HECW2: variants seen among roughly 807,000 people sequenced by gnomAD.
HECW2 encodes the protein E3 ubiquitin-protein ligase HECW2.
Under a neutral mutation model 175.2 loss-of-function variants are expected in HECW2, and 61 were observed. The ratio of observed to expected loss-of-function variants is 0.35; its 90% CI spans 0.28 to 0.43. The LOEUF (loss-of-function observed/expected upper bound fraction) is 0.43, where lower values mean the gene tolerates loss of function less well. Among genes scored for constraint, HECW2 ranks in the 20% least tolerant of loss-of-function variants. The pLI is 1.00. For synonymous variants in HECW2, 671 were observed against 731.0 expected, an observed-to-expected ratio of 0.92 and a Z score of 1.32; for missense variants, 1,524 against 2,000.5, an observed-to-expected ratio of 0.76 and a Z score of 4.54.
intron 2 of HECW2, among the ~76,000 whole-genome samples, chr2:196,413,054 G>A (rs71422616): frequency 0.037 from 5,679 of 152,214 alleles, 141 homozygotes; most frequent in South Asian, 0.097. Context: ...TATGAAATAT[G>A]AAATAACATG....
intron 1 of HECW2, among the ~76,000 whole-genome samples, chr2:196,569,371 C>CTAAAATAAAATAAAATAAAA (rs1553538700): frequency 2.1e-4 from 31 of 144,208 alleles, no homozygotes; most frequent in Non-Finnish European, 3.5e-4. Flanking sequence ...CTAAACTAAA[C>CTAAAATAAAATAAAATAAAA]TAAAATAAAA....
intron 22 of HECW2, among the ~76,000 whole-genome samples, chr2:196,226,215 A>G (rs978781318): frequency 1.3e-5 from 2 of 149,526 alleles, no homozygotes; most frequent in Non-Finnish European, 3.0e-5. Context: ...AAAGTGTGGC[A>G]CCTCCCTCCA....
chr2:196,416,963 A>G (rs1277874847), intron 2 of HECW2, among the ~76,000 whole-genome samples: 2 of 152,218 alleles, frequency 1.3e-5, no homozygotes, highest in Non-Finnish European at 2.9e-5. Context: ...AATCACCTTC[A>G]GGAAGTGGCT....
chr2:196,264,429 C>A (rs1344659589), intron 17 of HECW2, among the ~76,000 whole-genome samples: 1 of 152,040 alleles, frequency 6.6e-6, no homozygotes, highest in African/African-American at 2.4e-5. Context: ...ATTATTATTC[C>A]TCATGTAAGA....
intron 2 of HECW2, among the ~76,000 whole-genome samples, chr2:196,425,141 C>T (rs1370565827): frequency 1.3e-5 from 2 of 151,356 alleles, no homozygotes; most frequent in African/African-American, 4.9e-5. Context: ...AAAATGACAG[C>T]ACATCTGTCA....
chr2:196,588,896 T>A (rs1325350645), intron 1 of HECW2, among the ~76,000 whole-genome samples: 1 of 152,096 alleles, frequency 6.6e-6, no homozygotes, highest in Non-Finnish European at 1.5e-5. Flanking sequence ...TACATAGTCA[T>A]CCTACTTATA....
rs550215830 is a variant in HECW2 at position 196,522,794 on chromosome 2, T to A, written c.-36+70714A>T. Among the ~76,000 whole-genome samples the A allele has an allele frequency of 2.7e-3, 405 of 151,836 alleles. 2 individuals are homozygous for A. The highest frequency in any genetic ancestry group is 0.017 in the Middle Eastern group (5 of 294). On this transcript the variant is annotated intron_variant, in intron 1 of 28. Coordinates refer to ENST00000644978, the MANE Select transcript of HECW2 (RefSeq NM_001348768.2). The stretch of plus-strand genomic sequence containing the variant: ...GTCAAAGATCAGATAGTTGTAGATA[T>A]GCGGCGTTATTTCTGAGGGCTCTGT...
intron 5 of HECW2, among the ~76,000 whole-genome samples, chr2:196,326,448 A>ACT (rs1692155542): frequency 6.9e-6 from 1 of 145,606 alleles, no homozygotes; most frequent in South Asian, 2.2e-4. Flanking sequence ...ACTAAGAGCA[A>ACT]TTTTTTTTTT....
intron 2 of HECW2, among the ~76,000 whole-genome samples, chr2:196,357,328 G>A (rs951550375): frequency 7.5e-6 from 1 of 133,694 alleles, no homozygotes; most frequent in African/African-American, 3.6e-5. Flanking sequence ...TGGGGGGCTT[G>A]GGCGGGGGGG....
intron 20 of HECW2, among the ~76,000 whole-genome samples, chr2:196,241,465 C>A (rs557547160): frequency 3.6e-4 from 55 of 152,274 alleles, no homozygotes; most frequent in African/African-American, 1.2e-3. Context: ...TGGAGACCGT[C>A]CCTCCTCTGT....
chr2:196,336,968 G>A (rs1692570761), intron 3 of HECW2, among the ~76,000 whole-genome samples: 2 of 151,904 alleles, frequency 1.3e-5, no homozygotes, highest in Admixed American at 6.6e-5. Context: ...GACAGAATGA[G>A]GAGTGGTTTG....
rs1267206372 is a variant in HECW2, at chr2:196,198,481, A to G, written c.*2796T>C. 1.3e-5 allele frequency: 2 copies of G among 152,206 alleles called. No homozygotes were observed. Among genetic ancestry groups the G allele is most frequent in the Admixed American group, 6.5e-5 (1 of 15,276 alleles). 9.4% of individuals were successfully genotyped at this position (152,206 alleles called of 1,614,324 possible). On this transcript the variant is annotated 3_prime_UTR_variant, in exon 29 of 29. Transcript: ENST00000644978. Reference sequence around the variant, plus strand: ...TTTTTTGAACCTTGGAGTCTACTCTACTACACTGTGAGCTGAGCTTTTCAA... The same window carrying G: ...TTTTTTGAACCTTGGAGTCTACTCTGCTACACTGTGAGCTGAGCTTTTCAA...
rs1396156761 is a variant in HECW2 at position 196,194,603 on chromosome 2, C to CCCCATATAATA, written c.*6663_*6673dup. The CCCCATATAATA allele has an allele frequency of 6.6e-6, 1 of 151,916 alleles. No homozygotes were observed. The highest frequency in any genetic ancestry group is 1.5e-5 in the Non-Finnish European group (1 of 67,964). The allele number at this position is 151,916 out of a possible 1,614,324, so 9.4% of individuals were successfully genotyped here. On this transcript the variant is annotated 3_prime_UTR_variant, in exon 29 of 29. Coordinates refer to ENST00000644978, the MANE Select transcript of HECW2 (RefSeq NM_001348768.2). ...ACTAGTCCCAGTTCAGAGTCCTAGGCCCCATATAATACCACCCAGAAACCA... is the reference window on the plus strand; with the variant it reads ...ACTAGTCCCAGTTCAGAGTCCTAGGCCCCATATAATACCCATATAATACCACCCAGAAACCA...
At chr2:196,242,318 T>C in intron 19 of HECW2, 114 bp from the exon 20 acceptor site, 1 of 1,335,948 alleles carries the variant, frequency 7.5e-7, no homozygotes, top group East Asian at 2.5e-5. Flanking sequence ...GCAACTGTCT[T>C]AACTTCTGCA....
intron 2 of HECW2, among the ~76,000 whole-genome samples, chr2:196,385,429 A>T (rs1182837211): frequency 6.6e-6 from 1 of 152,226 alleles, no homozygotes; most frequent in East Asian, 1.9e-4. Flanking sequence ...TTAATTTTCC[A>T]TCATGCAGAA....
intron 2 of HECW2, among the ~76,000 whole-genome samples, chr2:196,412,175 A>G (rs1695130974): frequency 6.6e-6 from 1 of 152,200 alleles, no homozygotes; most frequent in Non-Finnish European, 1.5e-5. Context: ...CTTAAACAAC[A>G]GAATGTTAAA....
chr2:196,486,449 T>C (rs1687010331), intron 1 of HECW2, among the ~76,000 whole-genome samples: 1 of 152,150 alleles, frequency 6.6e-6, no homozygotes, highest in Non-Finnish European at 1.5e-5. Context: ...GCAACCCCCC[T>C]GGGCTCAGAG....
At chr2:196,274,837 A>G (rs1252775658) in intron 15 of HECW2, among the ~76,000 whole-genome samples, 2 of 152,252 alleles carry the variant, frequency 1.3e-5, no homozygotes, top group Non-Finnish European at 2.9e-5. Flanking sequence ...ACCCATTAAC[A>G]GCCTTACCAG....
intron 15 of HECW2, among the ~76,000 whole-genome samples, chr2:196,275,499 A>C (rs1689911783): frequency 6.6e-6 from 1 of 152,292 alleles, no homozygotes; most frequent in South Asian, 2.1e-4. Context: ...CACACCTATA[A>C]TCCCAGCACT....
Sources: allele counts gnomAD v4.1 joint callset (sites outside exome capture counted in the v4.1 genomes callset), GRCh38; gene constraint gnomAD v4.1.1; transcripts MANE v1.5; gene names NCBI Gene and HGNC (gene_info 2026-07-23, HGNC 2026-07-21).